NEDD4L: variants seen among roughly 807,000 people sequenced by gnomAD.
NEDD4L encodes E3 ubiquitin-protein ligase NEDD4-like.
Under a neutral mutation model 148.9 loss-of-function variants are expected in NEDD4L, and 54 were observed. The ratio of observed to expected loss-of-function variants is 0.36; its 90% CI spans 0.29 to 0.45. NEDD4L has a LOEUF of 0.45. Ranked by LOEUF, NEDD4L falls within the 20% of genes least tolerant of loss-of-function variation. NEDD4L has a pLI of 1.00. For missense variants in NEDD4L, 856 were observed against 1,233.8 expected (o/e 0.69, Z 4.59); for synonymous variants, 433 against 440.7 (o/e 0.98, Z 0.22).
intron 1 of NEDD4L, among the ~76,000 whole-genome samples, chr18:58,115,423 A>C (rs146845872): frequency 1.8e-4 from 27 of 152,162 alleles, no homozygotes; most frequent in Non-Finnish European, 1.2e-4. Flanking sequence ...TTTAGGAAAC[A>C]TAGGAGGTTA....
intron 18 of NEDD4L, among the ~76,000 whole-genome samples, chr18:58,351,426 T>C (rs760520143): frequency 1.3e-5 from 2 of 152,380 alleles, no homozygotes; most frequent in South Asian, 2.1e-4. Context: ...TGAAGCAGCA[T>C]GTAAGTTTTT....
intron 2 of NEDD4L, chr18:58,221,736 G>T (rs1178781485): frequency 1.0e-6 from 1 of 985,164 alleles, no homozygotes; most frequent in Non-Finnish European, 1.2e-6. Flanking sequence ...TTGTTTTTCA[G>T]CAGCTTTGAG....
In NEDD4L at chr18:58,396,199, C is replaced by A; in HGVS notation, c.2858C>A (p.Thr953Asn). 6.2e-7 allele frequency: 1 copy of A among 1,613,616 alleles called. No individual in the cohort carries two copies. The highest frequency in any genetic ancestry group is 8.5e-7 in the Non-Finnish European group (1 of 1,179,724). Residue 953 changes from threonine to asparagine, a missense_variant, in exon 31 of 31, where the codon ACC becomes AAC. Physicochemically the swap from Thr to Asn is moderately conservative, Grantham distance 65 (BLOSUM62 0). This residue lies in a region of NEDD4L where 286 missense variants were observed against 531.8 expected (regional missense o/e 0.54). Coordinates refer to ENST00000400345, the MANE Select transcript of NEDD4L (RefSeq NM_001144967.3). ...FNRLDLPPYE[T>N]FEDLREKLLM... ...CGCCTTGACTTACCTCCATATGAAA[C>A]CTTTGAAGATTTACGAGAGAAACTT...
chr18:58,274,743 T>C (rs1165546862), intron 5 of NEDD4L, among the ~76,000 whole-genome samples: 1 of 152,218 alleles, frequency 6.6e-6, no homozygotes, highest in East Asian at 1.9e-4. Flanking sequence ...TAAAGAATAG[T>C]TCAATAGGAG....
chr18:58,188,834 T>C (rs2039769306), intron 2 of NEDD4L, among the ~76,000 whole-genome samples: 2 of 152,268 alleles, frequency 1.3e-5, no homozygotes, highest in African/African-American at 4.8e-5. Flanking sequence ...ATTGTCTTTC[T>C]AGAGAAAATG....
chr18:58,310,014 G>A (rs1039154905), intron 5 of NEDD4L, among the ~76,000 whole-genome samples: 3 of 152,166 alleles, frequency 2.0e-5, no homozygotes, highest in Non-Finnish European at 4.4e-5. Flanking sequence ...CTTTGCTTGC[G>A]CTTGCTCTCG....
chr18:58,156,697 G>T (rs961011625), intron 1 of NEDD4L, among the ~76,000 whole-genome samples: 1 of 152,094 alleles, frequency 6.6e-6, no homozygotes, highest in Non-Finnish European at 1.5e-5. Context: ...CCACCTGCCC[G>T]TGTTTGACCT....
chr18:58,060,170 G>A (rs2144671212), intron 1 of NEDD4L, among the ~76,000 whole-genome samples: 1 of 152,200 alleles, frequency 6.6e-6, no homozygotes, highest in Middle Eastern at 3.4e-3. Context: ...GCACAGCTGA[G>A]GCCTGAGTGG....
chr18:58,143,307 C>G (rs1247656861), intron 1 of NEDD4L, among the ~76,000 whole-genome samples: 1 of 152,212 alleles, frequency 6.6e-6, no homozygotes, highest in Non-Finnish European at 1.5e-5. Context: ...CACAGCATGA[C>G]ATTGGAATCC....
At chr18:58,225,175 G>A (rs974546986) in intron 2 of NEDD4L, among the ~76,000 whole-genome samples, 1 of 152,142 alleles carries the variant, frequency 6.6e-6, no homozygotes, top group Admixed American at 6.5e-5. Flanking sequence ...ACACAGTCAG[G>A]GCCCTGTCAC....
At chr18:58,359,623 T>C (rs2045211268) in intron 19 of NEDD4L, among the ~76,000 whole-genome samples, 1 of 152,124 alleles carries the variant, frequency 6.6e-6, no homozygotes, top group Non-Finnish European at 1.5e-5. Context: ...ACCATTGGTT[T>C]GCCCACCATT....
intron 5 of NEDD4L, among the ~76,000 whole-genome samples, chr18:58,280,264 G>C (rs906659835): frequency 2.6e-5 from 4 of 152,060 alleles, no homozygotes; most frequent in Non-Finnish European, 5.9e-5. Context: ...TCACTGTCCA[G>C]CGCATTCCAC....
At chr18:58,174,859 A>G (rs1228141245) in intron 2 of NEDD4L, among the ~76,000 whole-genome samples, 2 of 152,190 alleles carry the variant, frequency 1.3e-5, no homozygotes, top group African/African-American at 4.8e-5. Context: ...AATTTTAAAT[A>G]TTGATTTACT....
intron 1 of NEDD4L, among the ~76,000 whole-genome samples, chr18:58,067,580 A>G (rs1220255277): frequency 2.6e-5 from 4 of 152,166 alleles, no homozygotes; most frequent in Non-Finnish European, 4.4e-5. Flanking sequence ...TTCCCATGGA[A>G]TTGGGTCTCA....
At chr18:58,169,648 C>A (rs952741511) in intron 2 of NEDD4L, among the ~76,000 whole-genome samples, 2 of 152,204 alleles carry the variant, frequency 1.3e-5, no homozygotes, top group African/African-American at 4.8e-5. Context: ...GAAGTAAAAC[C>A]CTGCTCAAAA....
intron 16 of NEDD4L, among the ~76,000 whole-genome samples, chr18:58,345,930 G>T (rs4940666): frequency 0.68 from 87,077 of 127,826 alleles, 26,848 homozygotes; most frequent in East Asian, 0.85. Context: ...TTTGTTTTTT[G>T]TTTTTTTTAG....
Position 58,389,479 on chromosome 18 carries a change from C to T in NEDD4L, c.2655+287C>T, listed in dbSNP as rs144833113. ...GACTTTTATTTGAGGGACTGGTCCTCCAATGCGTAAATAGAAATGGGGGGC... is the reference window on the plus strand; with the variant it reads ...GACTTTTATTTGAGGGACTGGTCCTTCAATGCGTAAATAGAAATGGGGGGC... On this transcript the variant is annotated intron_variant, in intron 28 of 30. Transcript: ENST00000400345. 1,020 of 272,968 alleles carry T rather than the reference C, an allele frequency of 3.7e-3. 4 individuals are homozygous for T. Among genetic ancestry groups the T allele is most frequent in the Non-Finnish European group, 6.1e-3 (891 of 145,846 alleles). 16.9% of individuals were successfully genotyped at this position (272,968 alleles called of 1,614,324 possible).
chr18:58,387,659 G>T, intron 27 of NEDD4L, 161 bp downstream of exon 27: 1 of 823,508 alleles, frequency 1.2e-6, no homozygotes, highest in Non-Finnish European at 1.7e-6. Context: ...TGCCAATGTG[G>T]TTCTATTACA....
intron 2 of NEDD4L, among the ~76,000 whole-genome samples, chr18:58,206,265 T>C (rs2041977862): frequency 6.6e-6 from 1 of 152,162 alleles, no homozygotes; most frequent in Admixed American, 6.5e-5. Flanking sequence ...GGTATATGCC[T>C]ATAATTCCAG....
Sources: gnomAD v4.1 joint callset for allele counts (sites outside exome capture counted in the v4.1 genomes callset) on GRCh38, gnomAD v4.1.1 for gene constraint, gnomAD v4.1.1 regional missense constraint, MANE v1.5 for transcripts, NCBI Gene and HGNC (gene_info 2026-07-23, HGNC 2026-07-21) for gene names.